Variants in SYT11 observed in about 807,000 individuals in gnomAD.
SYT11 encodes the protein synaptotagmin 11, also known as synaptotagmin-11.
SYT11 carries 12 observed loss-of-function variants against 30.4 expected under a neutral mutation model. That is an observed-to-expected ratio of 0.39 (90% CI 0.25 to 0.64). The LOEUF (loss-of-function observed/expected upper bound fraction) is 0.64, where lower values mean the gene tolerates loss of function less well. Among genes scored for constraint, SYT11 ranks in the 30% least tolerant of loss-of-function variants. The pLI is 0.45. For synonymous variants in SYT11, 204 were observed against 216.0 expected (o/e 0.94, Z 0.49); for missense variants, 412 against 552.0 (o/e 0.75, Z 2.54).
intron 3 of SYT11, 133 bp downstream of exon 3, chr1:155,880,756 T>C: frequency 9.0e-7 from 1 of 1,108,574 alleles, no homozygotes; most frequent in East Asian, 2.4e-5. Flanking sequence ...CTGTAGACAT[T>C]CTCTTCCTGA....
chr1:155,876,108 A>G (rs1672854724), intron 2 of SYT11, among the ~76,000 whole-genome samples: 1 of 152,268 alleles, frequency 6.6e-6, no homozygotes, highest in East Asian at 1.9e-4. Context: ...GCTCAATTTA[A>G]GAATTCCTGG....
At chr1:155,869,695 G>C (rs529629847) in intron 2 of SYT11, among the ~76,000 whole-genome samples, 4 of 152,040 alleles carry the variant, frequency 2.6e-5, no homozygotes, top group African/African-American at 4.8e-5. Flanking sequence ...CTCCCTCTTT[G>C]TATTAGAAGA....
In SYT11 at chr1:155,881,778, G is replaced by T; in HGVS notation, c.*270G>T. 1 of 261,134 alleles carries T rather than the reference G, an allele frequency of 3.8e-6. No homozygotes were observed. Among genetic ancestry groups the T allele is most frequent in the Admixed American group, 5.0e-5 (1 of 19,806 alleles). The allele number at this position is 261,134 out of a possible 1,614,324, so 16.2% of individuals were successfully genotyped here. On this transcript the variant is annotated 3_prime_UTR_variant, in exon 4 of 4. Transcript: ENST00000368324. Reference sequence around the variant, plus strand: ...AGTTTCGCTCTTGTTGCCCGGGCTGGAGTGCAATGGTGAGATCTCAACTCA... The same window carrying T: ...AGTTTCGCTCTTGTTGCCCGGGCTGTAGTGCAATGGTGAGATCTCAACTCA...
chr1:155,867,793 G>A (rs1260328129), intron 1 of SYT11, among the ~76,000 whole-genome samples, 172 bp from the exon 2 acceptor site: 24 of 152,190 alleles, frequency 1.6e-4, no homozygotes, highest in Admixed American at 1.6e-3. Flanking sequence ...TGGAGAGGTT[G>A]GGAGAGGGTG....
intron 2 of SYT11, among the ~76,000 whole-genome samples, chr1:155,871,539 T>A (rs1430698091): frequency 6.6e-6 from 1 of 152,182 alleles, no homozygotes; most frequent in Non-Finnish European, 1.5e-5. Context: ...AGGGACTGAT[T>A]TGGGCTGGGA....
chr1:155,862,775 GTTCCTCTTC>G (rs1289011742), intron 1 of SYT11, among the ~76,000 whole-genome samples: 1 of 152,178 alleles, frequency 6.6e-6, no homozygotes, highest in African/African-American at 2.4e-5. Context: ...AGTTTGCTGT[GTTCCTCTTC>G]TCATAGAGAC....
chr1:155,868,217 T>A lies in SYT11; in HGVS notation c.287T>A (p.Val96Glu), dbSNP rs1247789226. The A allele has an allele frequency of 6.2e-7, 1 of 1,613,838 alleles. No individual in the cohort carries two copies. The highest frequency in any genetic ancestry group is 1.3e-5 in the African/African-American group (1 of 74,828). The change falls in exon 2 of 4, where the codon GTG becomes GAG. Residue 96 changes from valine to glutamate, a missense_variant. Transcript: ENST00000368324. This position sits in a 1 kb window ranked among gnomAD's most constrained non-coding sequence, Gnocchi z 4.7. Reference sequence around the variant, plus strand: ...GAAGGTGGACGTAGGAACCTGTTGGTGGACGCAGCAGAGGCTGGCCTGCTA... The same window carrying A: ...GAAGGTGGACGTAGGAACCTGTTGGAGGACGCAGCAGAGGCTGGCCTGCTA... ...GREGGRRNLL[V>E]DAAEAGLLSR... is the part of the protein sequence containing the mutation.
At chr1:155,862,327 T>C (rs1672605833) in intron 1 of SYT11, among the ~76,000 whole-genome samples, 1 of 152,216 alleles carries the variant, frequency 6.6e-6, no homozygotes, top group African/African-American at 2.4e-5. Context: ...CCCACCAAGC[T>C]TTGGACTAAA....
At chr1:155,881,002 T>C (rs561342009) in intron 3 of SYT11, among the ~76,000 whole-genome samples, 196 bp from the exon 4 acceptor site, 2 of 152,202 alleles carry the variant, frequency 1.3e-5, no homozygotes, top group Non-Finnish European at 2.9e-5. Context: ...TTGGTTTCCT[T>C]GGCCCCTCAT....
intron 2 of SYT11, among the ~76,000 whole-genome samples, chr1:155,875,400 C>T (rs1287968829): frequency 1.3e-5 from 2 of 151,676 alleles, no homozygotes; most frequent in African/African-American, 4.8e-5. Flanking sequence ...GGGTTTAAAC[C>T]TTGGTTAGAT....
rs1672537443 is a variant in SYT11, at chr1:155,860,341, C to G, written c.34+546C>G. 6.6e-6 allele frequency among the ~76,000 whole-genome samples: 1 copy of G among 152,212 alleles called. No homozygotes were observed. The highest frequency in any genetic ancestry group is 6.5e-5 in the Admixed American group (1 of 15,282). The stretch of plus-strand genomic sequence containing the variant: ...GGGGTGGGGAGCAAAAAGGAAGCCA[C>G]TCCTTAAGCCGGTCAGCTGGATGCT... On this transcript the variant is annotated intron_variant, in intron 1 of 3. Transcript: ENST00000368324. This position sits in a 1 kb window ranked among gnomAD's most constrained non-coding sequence, Gnocchi z 4.1.
chr1:155,869,427 C>T (rs990615482), intron 2 of SYT11, among the ~76,000 whole-genome samples: 56 of 151,894 alleles, frequency 3.7e-4, no homozygotes, highest in Admixed American at 3.7e-3. Context: ...CCCATCACCA[C>T]GCCTGGCTAA....
At chr1:155,865,948 A>C (rs1044044594) in intron 1 of SYT11, among the ~76,000 whole-genome samples, 1 of 151,974 alleles carries the variant, frequency 6.6e-6, no homozygotes. Context: ...TAAAAAGTAA[A>C]GTGGAAAAAA....
chr1:155,881,622 C>T lies in SYT11; in HGVS notation c.*114C>T. ...TCATTTTAGTTGTAGAAGAAAATTT[C>T]TTACAAAACAAATTCCACAAAGAAC... On this transcript the variant is annotated 3_prime_UTR_variant, in exon 4 of 4. Coordinates refer to ENST00000368324, the MANE Select transcript of SYT11 (RefSeq NM_152280.5). 3 of 1,016,326 alleles carry T rather than the reference C, an allele frequency of 3.0e-6. No homozygotes were observed. Among genetic ancestry groups the T allele is most frequent in the Non-Finnish European group, 4.3e-6 (3 of 704,674 alleles). 63.0% of individuals were successfully genotyped at this position (1,016,326 alleles called of 1,614,324 possible).
chr1:155,876,277 G>A (rs1297123651), intron 2 of SYT11, among the ~76,000 whole-genome samples: 1 of 110,240 alleles, frequency 9.1e-6, no homozygotes, highest in Non-Finnish European at 1.7e-5. Context: ...ACGGAGTCTC[G>A]CTCCGTCTCC....
intron 2 of SYT11, among the ~76,000 whole-genome samples, chr1:155,870,391 C>A (rs1672762901): frequency 6.6e-6 from 1 of 152,100 alleles, no homozygotes; most frequent in Admixed American, 6.6e-5. Context: ...ATTGTTATTC[C>A]TATTATTAGT....
intron 1 of SYT11, among the ~76,000 whole-genome samples, chr1:155,866,971 C>T (rs373919434): frequency 2.7e-5 from 1 of 36,660 alleles, no homozygotes; most frequent in Admixed American, 3.5e-4. Context: ...TACACATACA[C>T]ACACACACAC....
chr1:155,859,795 G>C lies in SYT11; in HGVS notation c.34G>C (p.Asp12His), dbSNP rs779979197. 5 of 1,614,100 alleles carry C rather than the reference G, an allele frequency of 3.1e-6. No individual in the cohort carries two copies. Among genetic ancestry groups the C allele is most frequent in the Non-Finnish European group, 4.2e-6 (5 of 1,179,942 alleles). ...GATCACCAATATCCGACCTAGCTTT[G>C]GTAAGTAGACTCGGGAAAACTAAGC... ...AEITNIRPSF[D>H]VSPVVAGLIG... Residue 12 changes from aspartate (D) to histidine (H), a missense_variant and splice_region_variant, in exon 1 of 4, where the codon GAT becomes CAT. Coordinates refer to ENST00000368324, the MANE Select transcript of SYT11 (RefSeq NM_152280.5).
At chr1:155,867,932 C>T (rs763767953) in intron 1 of SYT11, 33 bp from the exon 2 acceptor site, 2 of 1,538,190 alleles carry the variant, frequency 1.3e-6, no homozygotes, top group Admixed American at 3.7e-5. Flanking sequence ...TGAAGTCCAC[C>T]CGCCCTGACA....
Sources: gnomAD v4.1 joint callset for allele counts (sites outside exome capture counted in the v4.1 genomes callset) on GRCh38, gnomAD v4.1.1 for gene constraint, Gnocchi (gnomAD v3.1) non-coding constraint, MANE v1.5 for transcripts, NCBI Gene and HGNC (gene_info 2026-07-23, HGNC 2026-07-21) for gene names.